Variants in SMCO4 observed in about 807,000 individuals in gnomAD.
SMCO4 encodes single-pass membrane protein with coiled-coil domains 4.
Under a neutral mutation model 3.6 loss-of-function variants are expected in SMCO4, and 4 were observed. The ratio of observed to expected loss-of-function variants is 1.11; its 90% CI spans 0.54 to 2.53. The LOEUF (loss-of-function observed/expected upper bound fraction) is 2.53. Among genes scored for constraint, SMCO4 ranks in the 30% most tolerant of loss-of-function variants. SMCO4 has a pLI of 0.02. For synonymous variants in SMCO4, 36 were observed against 35.3 expected (o/e 1.02, Z -0.07); for missense variants, 70 against 80.8 (o/e 0.87, Z 0.51).
intron 2 of SMCO4, among the ~76,000 whole-genome samples, chr11:93,488,193 A>G (rs1373658158): frequency 1.3e-5 from 2 of 152,248 alleles, no homozygotes; most frequent in African/African-American, 4.8e-5. Flanking sequence ...AAGATCTTCC[A>G]GGCAGGGCAG....
chr11:93,521,581 C>G (rs1170336920), intron 1 of SMCO4, among the ~76,000 whole-genome samples: 1 of 152,192 alleles, frequency 6.6e-6, no homozygotes, highest in Non-Finnish European at 1.5e-5. Flanking sequence ...GACTTTAGAC[C>G]CCAAGCTCTT....
At position 93,481,420 on chromosome 11, in the gene SMCO4, G is replaced by T. The variant is rs760044271; in HGVS notation, c.-80-2151C>A. The stretch of plus-strand genomic sequence containing the variant: ...CCTCTAAGCCTGACTGCAGCCTTGA[G>T]TGATGCCCACCTTCGCGGGACCGTG... On this transcript the variant is annotated intron_variant, in intron 2 of 2. Transcript: ENST00000298966. The T allele has an allele frequency of 4.1e-6, 4 of 985,286 alleles. No homozygotes were observed. In the East Asian group the frequency reaches 4.5e-4, roughly 112 times the overall value. The allele number at this position is 985,286 out of a possible 1,614,324, so 61.0% of individuals were successfully genotyped here. A position where few individuals can be genotyped will look rare whatever the true frequency, so the allele number is the denominator to read the frequency against.
upstream of SMCO4, among the ~76,000 whole-genome samples, chr11:93,543,953 C>G (rs982106829): frequency 2.0e-5 from 3 of 152,142 alleles, no homozygotes; most frequent in Admixed American, 1.3e-4. Context: ...CATATGTGTG[C>G]GCAGCTCAGC....
chr11:93,507,076 T>A (rs1157424082), intron 1 of SMCO4, among the ~76,000 whole-genome samples: 2 of 152,142 alleles, frequency 1.3e-5, no homozygotes, highest in Non-Finnish European at 2.9e-5. Flanking sequence ...ACGGTATTTG[T>A]TGCTAAAGAC....
chr11:93,478,895 T>G lies in SMCO4; in HGVS notation c.*115A>C, dbSNP rs763767342. On this transcript the variant is annotated 3_prime_UTR_variant, in exon 3 of 3. Coordinates refer to ENST00000298966, the MANE Select transcript of SMCO4 (RefSeq NM_020179.3). ...TCAAAGACCAGAGAAGACAGGGTGCTCCTGCTTACAGCTCAGCAACATGAA... is the reference window on the plus strand; with the variant it reads ...TCAAAGACCAGAGAAGACAGGGTGCGCCTGCTTACAGCTCAGCAACATGAA... The G allele has an allele frequency of 2.1e-6, 3 of 1,443,122 alleles. No individual in the cohort carries two copies. The highest frequency in any genetic ancestry group is 2.7e-6 in the Non-Finnish European group (3 of 1,099,288). The allele number at this position is 1,443,122 out of a possible 1,614,324, so 89.4% of individuals were successfully genotyped here.
intron 1 of SMCO4, among the ~76,000 whole-genome samples, chr11:93,513,109 C>T (rs1948973911): frequency 6.6e-6 from 1 of 152,170 alleles, no homozygotes; most frequent in South Asian, 2.1e-4. Flanking sequence ...ATTTTATAAG[C>T]CTATTGTGGC....
chr11:93,483,763 C>G (rs1948617824), intron 2 of SMCO4, among the ~76,000 whole-genome samples: 1 of 152,158 alleles, frequency 6.6e-6, no homozygotes, highest in African/African-American at 2.4e-5. Flanking sequence ...AATCCAAGGC[C>G]CTGCCACTGA....
chr11:93,526,529 T>C (rs1232324066), intron 1 of SMCO4, among the ~76,000 whole-genome samples: 1 of 152,116 alleles, frequency 6.6e-6, no homozygotes, highest in Non-Finnish European at 1.5e-5. Context: ...ACATTATACT[T>C]CACCAGTGAA....
chr11:93,531,038 T>C (rs1258752425), intron 1 of SMCO4, among the ~76,000 whole-genome samples: 1 of 152,244 alleles, frequency 6.6e-6, no homozygotes, highest in Non-Finnish European at 1.5e-5. Context: ...TCAACTTGAC[T>C]GGGCCATGGG....
chr11:93,516,815 T>TAG lies in SMCO4; in HGVS notation c.-153-17469_-153-17468dup, dbSNP rs1192663822. Reference sequence around the variant, plus strand: ...AAAAAAGAAAAAAAAGAAAAAAAAGTAGAGAGAGAGATCTACATACCCATT... The same window carrying TAG: ...AAAAAAGAAAAAAAAGAAAAAAAAGTAGAGAGAGAGAGATCTACATACCCATT... On this transcript the variant is annotated intron_variant, in intron 1 of 2. Coordinates refer to ENST00000298966, the MANE Select transcript of SMCO4 (RefSeq NM_020179.3). Among the ~76,000 whole-genome samples the TAG allele has an allele frequency of 8.7e-5, 13 of 149,730 alleles. No homozygotes were observed. In the South Asian group the frequency reaches 2.6e-3, roughly 29 times the overall value.
At chr11:93,488,659 G>A (rs1948678560) in intron 2 of SMCO4, among the ~76,000 whole-genome samples, 3 of 152,184 alleles carry the variant, frequency 2.0e-5, no homozygotes, top group Non-Finnish European at 4.4e-5. Flanking sequence ...GGTGGGGACA[G>A]CTGGAGTTTG....
intron 1 of SMCO4, among the ~76,000 whole-genome samples, chr11:93,516,515 C>A (rs960281526): frequency 6.6e-6 from 1 of 152,166 alleles, no homozygotes; most frequent in Non-Finnish European, 1.5e-5. Flanking sequence ...ATCGTCTAGG[C>A]GTGGTGGCTC....
chr11:93,522,873 C>T (rs895202867), intron 1 of SMCO4, among the ~76,000 whole-genome samples: 2 of 152,146 alleles, frequency 1.3e-5, no homozygotes, highest in Non-Finnish European at 2.9e-5. Flanking sequence ...GACAAGAATC[C>T]TTGTCTGTAG....
chr11:93,524,378 G>A (rs1033453631), intron 1 of SMCO4, among the ~76,000 whole-genome samples: 1 of 152,016 alleles, frequency 6.6e-6, no homozygotes, highest in Non-Finnish European at 1.5e-5. Context: ...TTTCACTTTC[G>A]GAATACAAGC....
intron 2 of SMCO4, among the ~76,000 whole-genome samples, chr11:93,484,566 C>T (rs2134571288): frequency 6.6e-6 from 1 of 152,228 alleles, no homozygotes; most frequent in East Asian, 1.9e-4. Context: ...AATGTATTAT[C>T]TGAAGTATGC....
chr11:93,496,343 G>A (rs1053743158), intron 2 of SMCO4, among the ~76,000 whole-genome samples: 3 of 152,094 alleles, frequency 2.0e-5, no homozygotes, highest in African/African-American at 7.2e-5. Context: ...AAAAAGATGA[G>A]TATTAACAAA....
chr11:93,481,252 T>G (rs1310885480), intron 2 of SMCO4, among the ~76,000 whole-genome samples: 1 of 152,240 alleles, frequency 6.6e-6, no homozygotes, highest in African/African-American at 2.4e-5. Context: ...TGAGAACAGC[T>G]TGTCTTAAAG....
the SMCO4 span, among the ~76,000 whole-genome samples, chr11:93,549,976 G>A: frequency 6.6e-6 from 1 of 152,256 alleles, no homozygotes; most frequent in East Asian, 1.9e-4. Context: ...ATAAAGCTGT[G>A]AAATCCCATA....
At chr11:93,498,297 C>T (rs1019354194) in intron 2 of SMCO4, among the ~76,000 whole-genome samples, 12 of 152,192 alleles carry the variant, frequency 7.9e-5, no homozygotes, top group Admixed American at 2.6e-4. Context: ...AGAAAAGGAA[C>T]CTGCTGACTT....
Sources: allele counts gnomAD v4.1 joint callset (sites outside exome capture counted in the v4.1 genomes callset), GRCh38; gene constraint gnomAD v4.1.1; transcripts MANE v1.5; gene names NCBI Gene and HGNC (gene_info 2026-07-23, HGNC 2026-07-21).